ZNF813: variants seen among roughly 807,000 people sequenced by gnomAD.
ZNF813 encodes zinc finger protein 813.
ZNF813 carries 3 observed loss-of-function variants against 7.2 expected under a neutral mutation model. The ratio of observed to expected loss-of-function variants is 0.42; its 90% confidence interval spans 0.19 to 1.08. The LOEUF (loss-of-function observed/expected upper bound fraction) is 1.08. ZNF813 is among the 50% of genes least tolerant of loss of function. The pLI is 0.30. For missense variants in ZNF813, 714 were observed against 753.3 expected (o/e 0.95, Z 0.61); for synonymous variants, 227 against 256.3 (o/e 0.89, Z 1.09).
At chr19:53,471,193 C>T (rs931263136) in intron 1 of ZNF813, among the ~76,000 whole-genome samples, 6 of 152,098 alleles carry the variant, frequency 3.9e-5, no homozygotes, top group African/African-American at 1.4e-4. Context: ...GAAACATGGT[C>T]TAATTGTTTC....
intron 2 of ZNF813, among the ~76,000 whole-genome samples, chr19:53,485,293 T>C (rs1246005396): frequency 6.6e-6 from 1 of 152,120 alleles, no homozygotes; most frequent in Admixed American, 6.6e-5. Context: ...CAACTGCCAA[T>C]GTGTCCTTTT....
intron 1 of ZNF813, among the ~76,000 whole-genome samples, chr19:53,469,781 A>G (rs111839795): frequency 0.024 from 3,505 of 144,776 alleles, 83 homozygotes; most frequent in South Asian, 0.048. Flanking sequence ...CTGGGGATCT[A>G]GGCTGCCAGA....
At chr19:53,484,229 G>A (rs2086422402) in intron 2 of ZNF813, among the ~76,000 whole-genome samples, 1 of 152,140 alleles carries the variant, frequency 6.6e-6, no homozygotes, top group South Asian at 2.1e-4. Flanking sequence ...AAAGTACGTG[G>A]TAAATTCTAG....
rs138867077 is a variant in ZNF813 at position 53,485,962 on chromosome 19, G to A, written c.16-670G>A. Among the ~76,000 whole-genome samples, 754 of 152,232 alleles carry A rather than the reference G, an allele frequency of 5.0e-3. 5 individuals are homozygous for A. The highest frequency in any genetic ancestry group is 5.9e-3 in the Non-Finnish European group (398 of 68,006). ...TGCCCAGGCCGGAGTGCAATGGTGC[G>A]ATTTTGGATCATTGCAACCTCTGCC... On this transcript the variant is annotated intron_variant, in intron 2 of 3. Transcript: ENST00000396403.
chr19:53,473,992 C>G (rs1356681006), intron 1 of ZNF813, among the ~76,000 whole-genome samples: 1 of 152,144 alleles, frequency 6.6e-6, no homozygotes, highest in Non-Finnish European at 1.5e-5. Context: ...CTTGAACTTT[C>G]CGGCCAATAG....
intron 3 of ZNF813, among the ~76,000 whole-genome samples, chr19:53,487,525 C>T (rs1323570358): frequency 2.6e-5 from 4 of 152,132 alleles, no homozygotes; most frequent in Non-Finnish European, 5.9e-5. Context: ...CCTTGTGCCC[C>T]AGTGGCTCAT....
At chr19:53,480,988 T>C (rs749274135) in intron 1 of ZNF813, among the ~76,000 whole-genome samples, 116 of 152,288 alleles carry the variant, frequency 7.6e-4, no homozygotes, top group Non-Finnish European at 1.2e-3. Context: ...ACACTATTTA[T>C]TGGTGATCAA....
At chr19:53,472,444 G>T (rs373370064) in intron 1 of ZNF813, among the ~76,000 whole-genome samples, 1 of 152,026 alleles carries the variant, frequency 6.6e-6, no homozygotes, top group Admixed American at 6.6e-5. Flanking sequence ...ATAGGCCATC[G>T]GTAAAAGGGA....
Position 53,491,380 on chromosome 19 carries a change from A to C in ZNF813, c.1148A>C (p.Tyr383Ser). The C allele has an allele frequency of 6.2e-7, 1 of 1,613,326 alleles. No homozygotes were observed. The highest frequency in any genetic ancestry group is 2.2e-5 in the East Asian group (1 of 44,874). ...HHRLHTGEKP[Y>S]KCNECGKTFS... ...AGACTTCATACGGGAGAGAAACCTT[A>C]TAAGTGTAATGAATGTGGCAAGACC... The change falls in exon 4 of 4, where the codon TAT becomes TCT. Residue 383 changes from tyrosine (Y) to serine (S), a missense_variant. Transcript: ENST00000396403.
Position 53,492,601 on chromosome 19 carries a change from G to A in ZNF813, c.*515G>A. On this transcript the variant is annotated 3_prime_UTR_variant, in exon 4 of 4. Transcript: ENST00000396403. ...GCAGTCAACACTTACTCACCATCAG[G>A]CAATCCATGGTGAAGGAAACTTGAC... The A allele has an allele frequency of 1.5e-6, 1 of 655,170 alleles. No homozygotes were observed. The highest frequency in any genetic ancestry group is 2.7e-6 in the Non-Finnish European group (1 of 374,776). The allele number at this position is 655,170 out of a possible 1,614,324, so 40.6% of individuals were successfully genotyped here.
chr19:53,481,548 C>T (rs28561725), intron 1 of ZNF813, among the ~76,000 whole-genome samples: 18,083 of 151,680 alleles, frequency 0.12, 1,284 homozygotes, highest in African/African-American at 0.19. Context: ...GGGGTTTCAT[C>T]ATGTTGACCA....
chr19:53,478,593 C>T (rs1367820327), intron 1 of ZNF813, among the ~76,000 whole-genome samples: 1 of 152,162 alleles, frequency 6.6e-6, no homozygotes, highest in Non-Finnish European at 1.5e-5. Context: ...GCCTGGCCAA[C>T]ATGGTGAAAC....
intron 1 of ZNF813, among the ~76,000 whole-genome samples, chr19:53,468,314 G>T (rs2086338549): frequency 6.6e-6 from 1 of 152,028 alleles, no homozygotes; most frequent in African/African-American, 2.4e-5. Context: ...ACGTTGGGGA[G>T]GTGCCCGGGG....
Position 53,491,067 on chromosome 19 carries a change from A to G in ZNF813, c.835A>G (p.Thr279Ala). ...TTACAGGTGTAATGAGTGTGGCAAG[A>G]CTTTCAGTCAGACGTATTCCCTTAC... The part of the protein sequence containing the change: ...KPYRCNECGK[T>A]FSQTYSLTCH... The change falls in exon 4 of 4, where the codon ACT becomes GCT. Residue 279 changes from threonine (T) to alanine (A), a missense_variant. Coordinates refer to ENST00000396403, the MANE Select transcript of ZNF813 (RefSeq NM_001004301.4). The G allele has an allele frequency of 6.2e-7, 1 of 1,614,114 alleles. No homozygotes were observed. The highest frequency in any genetic ancestry group is 1.1e-5 in the South Asian group (1 of 91,072).
At chr19:53,469,867 G>A (rs796648004) in intron 1 of ZNF813, among the ~76,000 whole-genome samples, 608 of 143,794 alleles carry the variant, frequency 4.2e-3, no homozygotes, top group African/African-American at 5.1e-3. Context: ...ATGGTGTTGC[G>A]GGAAACTGAG....
chr19:53,483,552 C>T lies in ZNF813; in HGVS notation c.-73-198C>T, dbSNP rs547402116. The stretch of plus-strand genomic sequence containing the variant: ...AGGGGAGCTCATCCCACCCCAGCTC[C>T]CCACTGCTGCAGCGTGTGTGTGGGC... On this transcript the variant is annotated intron_variant, in intron 1 of 3. Coordinates refer to ENST00000396403, the MANE Select transcript of ZNF813 (RefSeq NM_001004301.4). Among the ~76,000 whole-genome samples the T allele has an allele frequency of 4.1e-3, 627 of 152,232 alleles. 3 individuals are homozygous for T. The highest frequency in any genetic ancestry group is 5.4e-3 in the Non-Finnish European group (365 of 68,010).
chr19:53,468,752 G>C lies in ZNF813; in HGVS notation c.-74+963G>C, dbSNP rs2086341038. Reference sequence around the variant, plus strand: ...ATATCTCGCCTCCAGCCACAGGGCGGTTTTCTCCTATCTCAGAATAGAACG... The same window carrying C: ...ATATCTCGCCTCCAGCCACAGGGCGCTTTTCTCCTATCTCAGAATAGAACG... On this transcript the variant is annotated intron_variant, in intron 1 of 3. Coordinates refer to ENST00000396403, the MANE Select transcript of ZNF813 (RefSeq NM_001004301.4). Among the ~76,000 whole-genome samples the C allele has an allele frequency of 3.3e-5, 5 of 152,302 alleles. No individual in the cohort carries two copies. The South Asian group carries it at 1.0e-3, about 32-fold the overall frequency.
intron 1 of ZNF813, among the ~76,000 whole-genome samples, chr19:53,482,724 T>G (rs200144597): frequency 0.19 from 24,516 of 127,118 alleles, 2,444 homozygotes; most frequent in South Asian, 0.26. Flanking sequence ...TTTTTTTTTT[T>G]TTTTTTTTTT....
At chr19:53,482,378 A>C (rs2086412570) in intron 1 of ZNF813, among the ~76,000 whole-genome samples, 1 of 152,084 alleles carries the variant, frequency 6.6e-6, no homozygotes, top group South Asian at 2.1e-4. Context: ...CCAACTCCTC[A>C]CTGTGGCTCC....
Sources: allele counts gnomAD v4.1 joint callset (sites outside exome capture counted in the v4.1 genomes callset), GRCh38; gene constraint gnomAD v4.1.1; transcripts MANE v1.5; gene names NCBI Gene and HGNC (gene_info 2026-07-23, HGNC 2026-07-21).